Variants in TMEM236 observed in about 807,000 individuals in gnomAD.
TMEM236 encodes the protein transmembrane protein 236, also known as family with sequence similarity 23, member A.
Under a neutral mutation model 14.7 loss-of-function variants are expected in TMEM236, and 11 were observed. That is an observed-to-expected ratio of 0.75 (90% CI 0.47 to 1.24). TMEM236 has a LOEUF of 1.24. TMEM236 is among the 50% of genes most tolerant of loss of function. The pLI is 0.00. For missense variants in TMEM236, 464 were observed against 427.3 expected, an observed-to-expected ratio of 1.09 and a Z score of -0.76; for synonymous variants, 182 against 168.6, an observed-to-expected ratio of 1.08 and a Z score of -0.62.
At chr10:17,794,036 A>C (rs1837969285) in intron 3 of TMEM236, among the ~76,000 whole-genome samples, 1 of 152,160 alleles carries the variant, frequency 6.6e-6, no homozygotes, top group Non-Finnish European at 1.5e-5. Context: ...GTCATCAAGA[A>C]TTTAGATTAT....
At chr10:17,782,252 G>C (rs1010474423) in intron 3 of TMEM236, among the ~76,000 whole-genome samples, 54 of 152,192 alleles carry the variant, frequency 3.5e-4, no homozygotes, top group African/African-American at 1.3e-3. Flanking sequence ...TTTTCCAAAA[G>C]AACACATACT....
chr10:17,788,340 A>G (rs1837870268), intron 3 of TMEM236, among the ~76,000 whole-genome samples: 1 of 151,606 alleles, frequency 6.6e-6, no homozygotes, highest in Admixed American at 6.6e-5. Context: ...AGATTGGAAC[A>G]TTTTTTCAAT....
rs1564603818 is a variant in TMEM236 at position 17,798,986 on chromosome 10, T to C, written c.*2482T>C. 1.9e-5 allele frequency: 6 copies of C among 311,686 alleles called. No homozygotes were observed. The highest frequency in any genetic ancestry group is 1.7e-4 in the South Asian group (6 of 34,592). 19.3% of individuals were successfully genotyped at this position (311,686 alleles called of 1,614,324 possible). On this transcript the variant is annotated 3_prime_UTR_variant, in exon 4 of 4. Transcript: ENST00000377495. The stretch of plus-strand genomic sequence containing the variant: ...ATTTCAACTTTGCATTTGTGAAAAA[T>C]AATACATACAATCTTAAGGTTACTT...
At chr10:17,768,053 G>A (rs898790752) in intron 1 of TMEM236, among the ~76,000 whole-genome samples, 3 of 148,734 alleles carry the variant, frequency 2.0e-5, no homozygotes, top group Non-Finnish European at 3.0e-5. Context: ...TGCGACTACA[G>A]GTACACACCA....
Position 17,776,181 on chromosome 10 carries a change from T to C in TMEM236, c.472+11T>C. ...GAGGGAGTCAAAAGAGTAAGTGTTC[T>C]TTTAAATGTGAATATTTTTTAAAGT... On this transcript the variant is annotated intron_variant, in intron 3 of 3. Coordinates refer to ENST00000377495, the MANE Select transcript of TMEM236 (RefSeq NM_001098844.3). 7.5e-6 allele frequency: 12 copies of C among 1,607,132 alleles called. No homozygotes were observed.
At chr10:17,794,603 T>A (rs1837979631) in intron 3 of TMEM236, among the ~76,000 whole-genome samples, 1 of 152,156 alleles carries the variant, frequency 6.6e-6, no homozygotes, top group Non-Finnish European at 1.5e-5. Flanking sequence ...TTCAGATCAC[T>A]GGTGTGTTGA....
chr10:17,768,620 G>A (rs1334886159), intron 1 of TMEM236, among the ~76,000 whole-genome samples: 2 of 152,022 alleles, frequency 1.3e-5, no homozygotes, highest in Admixed American at 1.3e-4. Context: ...GATACGGTCC[G>A]GGCTTCCACA....
intron 1 of TMEM236, among the ~76,000 whole-genome samples, chr10:17,768,038 G>C (rs1589143152): frequency 6.8e-6 from 1 of 147,718 alleles, no homozygotes; most frequent in African/African-American, 2.5e-5. Flanking sequence ...AGCCTCCCAA[G>C]TAGCTGCGAC....
rs1282706735 is a variant in TMEM236 at position 17,797,180 on chromosome 10, G to A, written c.*676G>A. The A allele has an allele frequency of 6.6e-6, 1 of 152,006 alleles. No individual in the cohort carries two copies. The highest frequency in any genetic ancestry group is 1.5e-5 in the Non-Finnish European group (1 of 68,152). 9.4% of individuals were successfully genotyped at this position (152,006 alleles called of 1,614,324 possible). The stretch of plus-strand genomic sequence containing the variant: ...AAAAACTAAGAACCTTTTCCATCAA[G>A]TTAGCCCAAGAATAAGATTTTTATC... On this transcript the variant is annotated 3_prime_UTR_variant, in exon 4 of 4. Transcript: ENST00000377495.
chr10:17,791,760 C>A (rs976851108), intron 3 of TMEM236, among the ~76,000 whole-genome samples: 2 of 152,206 alleles, frequency 1.3e-5, no homozygotes, highest in South Asian at 4.1e-4. Flanking sequence ...AGGTCTCAGA[C>A]GAGCCTCCTT....
Position 17,752,214 on chromosome 10 carries a change from C to T in TMEM236, c.-82C>T, listed in dbSNP as rs1837219751. 6.2e-7 allele frequency: 1 copy of T among 1,610,588 alleles called. No homozygotes were observed. The highest frequency in any genetic ancestry group is 8.5e-7 in the Non-Finnish European group (1 of 1,177,672). On this transcript the variant is annotated 5_prime_UTR_variant, in exon 1 of 4. Transcript: ENST00000377495. Reference sequence around the variant, plus strand: ...CGATTCGAGGACAAGGAACTTGATCCCAGTTCAGTGTCTGTGGGTCCATAT... The same window carrying T: ...CGATTCGAGGACAAGGAACTTGATCTCAGTTCAGTGTCTGTGGGTCCATAT...
intron 1 of TMEM236, among the ~76,000 whole-genome samples, chr10:17,758,848 T>C (rs1837317884): frequency 6.6e-6 from 1 of 152,248 alleles, no homozygotes; most frequent in African/African-American, 2.4e-5. Context: ...CATTAGTATC[T>C]CAGAAATGTT....
intron 3 of TMEM236, among the ~76,000 whole-genome samples, chr10:17,791,949 A>C (rs2131766979): frequency 6.6e-6 from 1 of 152,318 alleles, no homozygotes. Context: ...TGTCTAGCCC[A>C]GGCTTGGTAC....
At chr10:17,753,870 G>A (rs1178467670) in intron 1 of TMEM236, among the ~76,000 whole-genome samples, 1 of 152,214 alleles carries the variant, frequency 6.6e-6, no homozygotes, top group African/African-American at 2.4e-5. Context: ...CACTAACAGT[G>A]TATAAGTATT....
intron 3 of TMEM236, among the ~76,000 whole-genome samples, chr10:17,781,461 G>A (rs888427615): frequency 0.019 from 2,948 of 152,156 alleles, 88 homozygotes; most frequent in African/African-American, 0.067. Context: ...CATGCAGCCC[G>A]GCGTGGTGGC....
chr10:17,793,253 TA>T (rs1411355280), intron 3 of TMEM236, among the ~76,000 whole-genome samples: 1 of 152,162 alleles, frequency 6.6e-6, no homozygotes, highest in Admixed American at 6.5e-5. Context: ...CCTGACTGTT[TA>T]AAAAAATGTT....
At chr10:17,781,709 G>GCACTCCA (rs1398459963) in intron 3 of TMEM236, among the ~76,000 whole-genome samples, 2 of 139,868 alleles carry the variant, frequency 1.4e-5, no homozygotes, top group African/African-American at 5.4e-5. Flanking sequence ...TGGTACCACT[G>GCACTCCA]CACTCCAGCC....
At chr10:17,755,212 A>G (rs1167514568) in intron 1 of TMEM236, among the ~76,000 whole-genome samples, 6 of 151,960 alleles carry the variant, frequency 3.9e-5, no homozygotes, top group Non-Finnish European at 8.8e-5. Flanking sequence ...CGGCCTCCCA[A>G]AGTGCTGGGA....
At chr10:17,775,316 C>T (rs1272450999) in intron 2 of TMEM236, among the ~76,000 whole-genome samples, 1 of 152,088 alleles carries the variant, frequency 6.6e-6, no homozygotes, top group Non-Finnish European at 1.5e-5. Context: ...GCTCTGTCAC[C>T]CAAGCTAGAG....
Sources: allele counts gnomAD v4.1 joint callset (sites outside exome capture counted in the v4.1 genomes callset), GRCh38; gene constraint gnomAD v4.1.1; transcripts MANE v1.5; gene names NCBI Gene and HGNC (gene_info 2026-07-23, HGNC 2026-07-21).